The following TAFA1 variants were observed in gnomAD, a reference collection of about 807,000 sequenced individuals.
The protein encoded by TAFA1 is chemokine-like protein TAFA-1.
TAFA1 carries 4 observed loss-of-function variants against 18.5 expected under a neutral mutation model. That is an observed-to-expected ratio of 0.22 (90% CI 0.11 to 0.49). The LOEUF is 0.49. Ranked by LOEUF, TAFA1 falls within the 20% of genes least tolerant of loss-of-function variation. TAFA1 has a pLI of 0.98. For synonymous variants in TAFA1, 56 were observed against 55.2 expected, an observed-to-expected ratio of 1.01 and a Z score of -0.06; for missense variants, 147 against 169.0, an observed-to-expected ratio of 0.87 and a Z score of 0.72.
At chr3:68,079,231 C>G (rs993706153) in intron 2 of TAFA1, among the ~76,000 whole-genome samples, 2 of 152,188 alleles carry the variant, frequency 1.3e-5, no homozygotes, top group African/African-American at 2.4e-5. Context: ...TGCTAGTAGT[C>G]TATCAATTTA....
chr3:68,186,882 A>C (rs1403175520), intron 2 of TAFA1, among the ~76,000 whole-genome samples: 1 of 151,872 alleles, frequency 6.6e-6, no homozygotes, highest in Admixed American at 6.6e-5. Context: ...AAAACATACC[A>C]TGGGCCTAGC....
the TAFA1 span, among the ~76,000 whole-genome samples, chr3:67,999,085 C>G: frequency 6.6e-6 from 1 of 152,176 alleles, no homozygotes; most frequent in Non-Finnish European, 1.5e-5. Flanking sequence ...AATACAGTAG[C>G]TATCAACCAG....
intron 3 of TAFA1, among the ~76,000 whole-genome samples, chr3:68,485,067 A>G (rs1393837994): frequency 2.6e-5 from 4 of 152,188 alleles, no homozygotes; most frequent in African/African-American, 9.6e-5. Flanking sequence ...GGCTGTATCT[A>G]CACACAAAGT....
intron 2 of TAFA1, chr3:68,250,731 A>C (rs889772768): frequency 1.3e-5 from 2 of 151,990 alleles, no homozygotes; most frequent in Non-Finnish European, 2.9e-5. Flanking sequence ...AGAAAAAAAA[A>C]ATTAGCTAAA....
At chr3:68,541,334 G>T (rs1012014814) in intron 4 of TAFA1, among the ~76,000 whole-genome samples, 11 of 152,180 alleles carry the variant, frequency 7.2e-5, no homozygotes, top group Non-Finnish European at 1.5e-5. Context: ...AAGTCCAGAT[G>T]ATGTATATAG....
chr3:68,008,199 G>C (rs1262212975), intron 2 of TAFA1, among the ~76,000 whole-genome samples: 1 of 152,236 alleles, frequency 6.6e-6, no homozygotes, highest in Admixed American at 6.5e-5. Context: ...TCTGCATCCT[G>C]TGTCCTGAGC....
chr3:68,174,144 T>G (rs565006076), intron 2 of TAFA1, among the ~76,000 whole-genome samples: 1 of 152,342 alleles, frequency 6.6e-6, no homozygotes, highest in South Asian at 2.1e-4. Context: ...GGATTGTGCT[T>G]TATAGGCACA....
chr3:68,370,286 CAAAAAAAAAAAAAAAAA>C (rs71618234), intron 2 of TAFA1, among the ~76,000 whole-genome samples: 3 of 10,854 alleles, frequency 2.8e-4, no homozygotes, highest in African/African-American at 1.2e-3. Context: ...GACCCCATCT[CAAAAAAAAAAAAAAAAA>C]AAAAAAAAAA....
At chr3:68,337,778 T>C (rs1039033726) in intron 2 of TAFA1, among the ~76,000 whole-genome samples, 1 of 152,168 alleles carries the variant, frequency 6.6e-6, no homozygotes, top group African/African-American at 2.4e-5. Flanking sequence ...ATGGGGCACA[T>C]TGTGGCTTCT....
chr3:68,077,951 C>G (rs376892447), intron 2 of TAFA1, among the ~76,000 whole-genome samples: 130 of 151,848 alleles, frequency 8.6e-4, no homozygotes, highest in African/African-American at 3.0e-3. Flanking sequence ...AGCATGGAAT[C>G]TTCTTCCATT....
At chr3:68,300,578 G>T (rs1390867449) in intron 2 of TAFA1, among the ~76,000 whole-genome samples, 2 of 152,064 alleles carry the variant, frequency 1.3e-5, no homozygotes, top group Admixed American at 1.3e-4. Flanking sequence ...TGTTAGGAAG[G>T]CATGATTGGT....
chr3:68,504,126 C>T (rs973919283), intron 3 of TAFA1, among the ~76,000 whole-genome samples: 2 of 151,990 alleles, frequency 1.3e-5, no homozygotes, highest in African/African-American at 4.8e-5. Context: ...TATGTATAAC[C>T]AAATATAAAG....
At chr3:68,185,719 G>C (rs969731374) in intron 2 of TAFA1, among the ~76,000 whole-genome samples, 1 of 151,810 alleles carries the variant, frequency 6.6e-6, no homozygotes, top group Admixed American at 6.6e-5. Context: ...AGACCAGCCT[G>C]GGCAACATAA....
intron 3 of TAFA1, among the ~76,000 whole-genome samples, chr3:68,452,302 C>T (rs2071577875): frequency 6.6e-6 from 1 of 152,042 alleles, no homozygotes; most frequent in African/African-American, 2.4e-5. Context: ...GTGGGTGGAT[C>T]ACCTGAGGTC....
intron 2 of TAFA1, among the ~76,000 whole-genome samples, chr3:68,146,613 C>A (rs919642348): frequency 6.6e-6 from 1 of 152,160 alleles, no homozygotes; most frequent in Non-Finnish European, 1.5e-5. Flanking sequence ...AAACATGTTT[C>A]TTATGGTTTA....
chr3:68,450,900 T>G (rs2071557853), intron 3 of TAFA1, among the ~76,000 whole-genome samples: 1 of 152,216 alleles, frequency 6.6e-6, no homozygotes, highest in Non-Finnish European at 1.5e-5. Flanking sequence ...TTGTAACTCA[T>G]TTGAAACTAC....
intron 3 of TAFA1, among the ~76,000 whole-genome samples, chr3:68,477,879 G>A (rs1008044337): frequency 2.0e-5 from 3 of 152,148 alleles, no homozygotes; most frequent in African/African-American, 7.2e-5. Context: ...GTAACTCATT[G>A]TCATTTTAAC....
chr3:68,317,787 GTCTC>G (rs1044177797), intron 2 of TAFA1, among the ~76,000 whole-genome samples: 3 of 152,136 alleles, frequency 2.0e-5, no homozygotes, highest in Admixed American at 6.5e-5. Flanking sequence ...TTCTTCTGTA[GTCTC>G]TCTCTCTTCT....
chr3:68,348,970 TG>T (rs2069215586), intron 2 of TAFA1, among the ~76,000 whole-genome samples: 2 of 152,012 alleles, frequency 1.3e-5, no homozygotes, highest in South Asian at 2.1e-4. Context: ...AGAAGCTTTT[TG>T]CTTCTAAAAC....
Sources: allele counts gnomAD v4.1 joint callset (sites outside exome capture counted in the v4.1 genomes callset), GRCh38; gene constraint gnomAD v4.1.1; transcripts MANE v1.5; gene names NCBI Gene and HGNC (gene_info 2026-07-23, HGNC 2026-07-21).